LAMP3: variants seen among roughly 807,000 people sequenced by gnomAD.
LAMP3 encodes lysosome-associated membrane glycoprotein 3.
Under a neutral mutation model 34.8 loss-of-function variants are expected in LAMP3, and 26 were observed. The ratio of observed to expected loss-of-function variants is 0.75; its 90% CI spans 0.55 to 1.04. The LOEUF (loss-of-function observed/expected upper bound fraction) is 1.04. Ranked by LOEUF, LAMP3 falls within the 50% of genes least tolerant of loss-of-function variation. LAMP3 has a pLI of 0.00. For synonymous variants in LAMP3, 180 were observed against 201.9 expected (o/e 0.89, Z 0.92); for missense variants, 495 against 524.0 (o/e 0.94, Z 0.54).
At chr3:183,154,948 T>A (rs1212627380) in intron 1 of LAMP3, among the ~76,000 whole-genome samples, 1 of 152,184 alleles carries the variant, frequency 6.6e-6, no homozygotes, top group Non-Finnish European at 1.5e-5. Context: ...AGAGTCTTGC[T>A]CTGTTGCTCA....
At chr3:183,131,353 C>T (rs1216957173) in intron 5 of LAMP3, among the ~76,000 whole-genome samples, 1 of 152,108 alleles carries the variant, frequency 6.6e-6, no homozygotes, top group Non-Finnish European at 1.5e-5. Flanking sequence ...TGTCCTCTGC[C>T]CTACAGAACT....
At chr3:183,147,139 G>A (rs1484247690) in intron 3 of LAMP3, among the ~76,000 whole-genome samples, 4 of 151,854 alleles carry the variant, frequency 2.6e-5, no homozygotes, top group Non-Finnish European at 5.9e-5. Flanking sequence ...GCTACTCGGG[G>A]GACTGAGGCA....
At chr3:183,162,579 A>G in intron 1 of LAMP3, 28 bp downstream of exon 1, 1 of 1,546,958 alleles carries the variant, frequency 6.5e-7, no homozygotes, top group Non-Finnish European at 8.7e-7. Flanking sequence ...CGTCAGGGCC[A>G]CCGCGGGAAG....
chr3:183,152,961 G>A (rs1220416684), intron 2 of LAMP3, among the ~76,000 whole-genome samples: 1 of 152,134 alleles, frequency 6.6e-6, no homozygotes, highest in African/African-American at 2.4e-5. Context: ...CAGATCATGA[G>A]GTCAGGAGTT....
intron 3 of LAMP3, among the ~76,000 whole-genome samples, chr3:183,143,148 G>A (rs566940585): frequency 3.9e-5 from 6 of 152,020 alleles, no homozygotes; most frequent in Admixed American, 6.6e-5. Flanking sequence ...TCCCTCTGTC[G>A]CCCAGGCTGG....
At chr3:183,126,959 A>G (rs763036505) in intron 5 of LAMP3, among the ~76,000 whole-genome samples, 2 of 152,242 alleles carry the variant, frequency 1.3e-5, no homozygotes, top group African/African-American at 2.4e-5. Context: ...GTCCCTTTAG[A>G]GTTCTAAAAA....
intron 5 of LAMP3, among the ~76,000 whole-genome samples, chr3:183,127,473 T>C (rs1295192873): frequency 2.0e-5 from 3 of 152,082 alleles, no homozygotes; most frequent in African/African-American, 7.2e-5. Flanking sequence ...ACATTGTCTA[T>C]GTTTTTTTTT....
At chr3:183,159,526 G>C (rs542159541) in intron 1 of LAMP3, among the ~76,000 whole-genome samples, 1 of 152,332 alleles carries the variant, frequency 6.6e-6, no homozygotes, top group South Asian at 2.1e-4. Flanking sequence ...GCCATGTCCA[G>C]GTTCAGGGAA....
intron 3 of LAMP3, among the ~76,000 whole-genome samples, chr3:183,144,471 G>A (rs1029147495): frequency 6.6e-6 from 1 of 152,126 alleles, no homozygotes; most frequent in Non-Finnish European, 1.5e-5. Flanking sequence ...GAATTTCACA[G>A]GGTGATGATA....
At chr3:183,156,395 T>C (rs1720824533) in intron 1 of LAMP3, among the ~76,000 whole-genome samples, 1 of 105,510 alleles carries the variant, frequency 9.5e-6, no homozygotes, top group Non-Finnish European at 2.2e-5. Context: ...ACAGACGATG[T>C]CTTTAGGAGT....
chr3:183,162,860 G>T, upstream of LAMP3: 2 of 532,458 alleles, frequency 3.8e-6, no homozygotes, highest in East Asian at 7.0e-5. Context: ...CGGGGACTCG[G>T]CGCAGCCGCC....
chr3:183,128,169 C>A (rs1042139594), intron 5 of LAMP3, among the ~76,000 whole-genome samples: 6 of 145,258 alleles, frequency 4.1e-5, no homozygotes, highest in African/African-American at 1.5e-4. Context: ...AAAAAGTGTT[C>A]TGACGATTTA....
intron 3 of LAMP3, among the ~76,000 whole-genome samples, chr3:183,146,428 A>G (rs901194966): frequency 1.3e-5 from 2 of 152,154 alleles, no homozygotes; most frequent in Non-Finnish European, 2.9e-5. Flanking sequence ...TACACTTCAT[A>G]CAATACACCC....
chr3:183,127,607 C>A (rs1392611548), intron 5 of LAMP3, among the ~76,000 whole-genome samples: 1 of 151,998 alleles, frequency 6.6e-6, no homozygotes, highest in Non-Finnish European at 1.5e-5. Context: ...CCATGCATTT[C>A]AATGGCCTGT....
chr3:183,126,340 G>T (rs1249076116), intron 5 of LAMP3, among the ~76,000 whole-genome samples: 1 of 151,986 alleles, frequency 6.6e-6, no homozygotes, highest in Non-Finnish European at 1.5e-5. Context: ...CCAAAAACTG[G>T]CAGGAGGACT....
In LAMP3 at chr3:183,150,589, G is replaced by A. The variant is rs932347362; in HGVS notation, c.888+1786C>T. On this transcript the variant is annotated intron_variant, in intron 3 of 5. Coordinates refer to ENST00000265598, the MANE Select transcript of LAMP3 (RefSeq NM_014398.4). ...ACTTTTTTTTTTTTTTTTTTTTTTG[G>A]AGAGCAGTGGTGCAATCATTGAATC... Among the ~76,000 whole-genome samples the A allele has an allele frequency of 1.7e-3, 49 of 28,992 alleles. 1 individual carries two copies. The highest frequency in any genetic ancestry group is 4.6e-3 in the Admixed American group (12 of 2,614). 19.0% of individuals were successfully genotyped at this position (28,992 alleles called of 152,430 possible).
chr3:183,142,465 G>T (rs1396312580), intron 3 of LAMP3, among the ~76,000 whole-genome samples: 1 of 152,024 alleles, frequency 6.6e-6, no homozygotes, highest in East Asian at 1.9e-4. Context: ...GAGAGTTTCA[G>T]AATTCGCCAC....
chr3:183,128,892 C>G (rs984206065), intron 5 of LAMP3, among the ~76,000 whole-genome samples: 1 of 152,036 alleles, frequency 6.6e-6, no homozygotes, highest in Non-Finnish European at 1.5e-5. Context: ...GTTTATATTG[C>G]GACTCATTTC....
At chr3:183,142,188 CTT>C (rs537675799) in intron 3 of LAMP3, among the ~76,000 whole-genome samples, 175 of 152,280 alleles carry the variant, frequency 1.1e-3, no homozygotes, top group Non-Finnish European at 1.7e-3. Flanking sequence ...ATAAGAGAGA[CTT>C]ATATTTCAGG....
Sources: allele counts gnomAD v4.1 joint callset (sites outside exome capture counted in the v4.1 genomes callset), GRCh38; gene constraint gnomAD v4.1.1; transcripts MANE v1.5; gene names NCBI Gene and HGNC (gene_info 2026-07-23, HGNC 2026-07-21).